The following AGPAT5 variants were observed in gnomAD, a reference collection of about 807,000 sequenced individuals.
The protein encoded by AGPAT5 is 1-acyl-sn-glycerol-3-phosphate acyltransferase epsilon.
Under a neutral mutation model 45.6 loss-of-function variants are expected in AGPAT5, and 46 were observed. The observed-to-expected ratio is 1.01, with a 90% CI of 0.80 to 1.29. The LOEUF is 1.29. AGPAT5 is among the 50% of genes most tolerant of loss of function. The probability of loss-of-function intolerance (pLI) is 0.00; values close to 1 mark genes in which losing one functional copy is unlikely to be tolerated. For synonymous variants in AGPAT5, 272 were observed against 167.0 expected (o/e 1.63, Z -4.85); for missense variants, 673 against 450.7 (o/e 1.49, Z -4.47).
chr8:6,759,739 A>T lies in AGPAT5; in HGVS notation c.*2351A>T, dbSNP rs1239583678. On this transcript the variant is annotated 3_prime_UTR_variant, in exon 8 of 8. Transcript: ENST00000285518. ...CCCAGTACATAAAATAGGCTTAATGACTGGCCCTGCATTCTTCACAATATT... is the reference window on the plus strand; with the variant it reads ...CCCAGTACATAAAATAGGCTTAATGTCTGGCCCTGCATTCTTCACAATATT... 6.6e-6 allele frequency: 1 copy of T among 152,238 alleles called. No homozygotes were observed. Among genetic ancestry groups the T allele is most frequent in the Non-Finnish European group, 1.5e-5 (1 of 68,040 alleles). 9.4% of individuals were successfully genotyped at this position (152,238 alleles called of 1,614,324 possible). A position where few individuals can be genotyped will look rare whatever the true frequency, so the allele number is the denominator to read the frequency against.
rs202102983 is a variant in AGPAT5 at position 6,760,474 on chromosome 8, C to CA, written c.*3092dup. Among the ~76,000 whole-genome samples, 1,762 of 151,960 alleles carry CA rather than the reference C, an allele frequency of 0.012. 30 individuals carry two copies. The highest frequency in any genetic ancestry group is 0.041 in the African/African-American group (1,681 of 41,486). On this transcript the variant is annotated 3_prime_UTR_variant, in exon 8 of 8. Coordinates refer to ENST00000285518, the MANE Select transcript of AGPAT5 (RefSeq NM_018361.5). ...CACAGTAACTCCCAGATATGTACCA[C>CA]AAAAAATGTGAAAAGAGAGAGAAAT...
chr8:6,740,043 A>G (rs559517091), intron 4 of AGPAT5, among the ~76,000 whole-genome samples: 1 of 152,078 alleles, frequency 6.6e-6, no homozygotes, highest in South Asian at 2.1e-4. Flanking sequence ...ATGTGTTGTT[A>G]TCCTTTGTGC....
rs1801946757 is a variant in AGPAT5 at position 6,759,138 on chromosome 8, T to A, written c.*1750T>A. 1.3e-5 allele frequency: 2 copies of A among 152,232 alleles called. No homozygotes were observed. Among genetic ancestry groups the A allele is most frequent in the Admixed American group, 1.3e-4 (2 of 15,280 alleles). 9.4% of individuals were successfully genotyped at this position (152,232 alleles called of 1,614,324 possible). A position where few individuals can be genotyped will look rare whatever the true frequency, so the allele number is the denominator to read the frequency against. ...TTATGAAAATTTCCTCATGCTGAATTGTAATTTTCTCTTACCTGTAAAGTA... is the reference window on the plus strand; with the variant it reads ...TTATGAAAATTTCCTCATGCTGAATAGTAATTTTCTCTTACCTGTAAAGTA... On this transcript the variant is annotated 3_prime_UTR_variant, in exon 8 of 8. Transcript: ENST00000285518.
Position 6,731,348 on chromosome 8 carries a change from C to T in AGPAT5, c.405+522C>T, listed in dbSNP as rs1800855955. ...GCATCTGTGGGGATTGGTTTTAGAA[C>T]CACCACAGATACCAAAATCTAAGGT... On this transcript the variant is annotated intron_variant, in intron 3 of 7. Coordinates refer to ENST00000285518, the MANE Select transcript of AGPAT5 (RefSeq NM_018361.5). Among the ~76,000 whole-genome samples, 5 of 152,128 alleles carry T rather than the reference C, an allele frequency of 3.3e-5. No individual in the cohort carries two copies. The South Asian group carries it at 1.0e-3, about 32-fold the overall frequency.
intron 6 of AGPAT5, 75 bp downstream of exon 6, chr8:6,747,903 A>G (rs1801530562): frequency 1.4e-6 from 2 of 1,460,984 alleles, no homozygotes; most frequent in Non-Finnish European, 1.8e-6. Flanking sequence ...ATTCAGTTTT[A>G]CAAAGTAGGT....
intron 5 of AGPAT5, among the ~76,000 whole-genome samples, chr8:6,745,527 A>T (rs756003858): frequency 2.0e-5 from 3 of 152,194 alleles, no homozygotes; most frequent in East Asian, 1.9e-4. Flanking sequence ...GACATTATTT[A>T]TACCTTTATA....
At chr8:6,732,538 T>C (rs1289110030) in intron 3 of AGPAT5, 23 bp from the exon 4 acceptor site, 1 of 1,572,650 alleles carries the variant, frequency 6.4e-7, no homozygotes. Context: ...TAAATGCTCT[T>C]TCTCCCGATT....
chr8:6,714,470 TTATAAA>T (rs1299190073), intron 1 of AGPAT5, among the ~76,000 whole-genome samples: 2 of 152,242 alleles, frequency 1.3e-5, no homozygotes, highest in Non-Finnish European at 2.9e-5. Flanking sequence ...TTTTTACACT[TTATAAA>T]TATAAACCTC....
intron 4 of AGPAT5, among the ~76,000 whole-genome samples, chr8:6,740,600 AC>A (rs1801216185): frequency 2.0e-5 from 3 of 151,838 alleles, no homozygotes; most frequent in African/African-American, 7.2e-5. Context: ...ATATGAATGA[AC>A]AAAAAGCTTG....
intron 6 of AGPAT5, among the ~76,000 whole-genome samples, chr8:6,750,794 C>T (rs62497313): frequency 0.014 from 2,072 of 150,818 alleles, 28 homozygotes; most frequent in Non-Finnish European, 0.02. Flanking sequence ...GGGTGAGATT[C>T]AAGTATTATC....
chr8:6,755,215 A>G (rs751787560), intron 7 of AGPAT5, 41 bp downstream of exon 7: 3 of 1,579,714 alleles, frequency 1.9e-6, no homozygotes, highest in East Asian at 4.5e-5. Flanking sequence ...ACTTCGGTTC[A>G]ACTAGATTTC....
chr8:6,739,786 A>T (rs1349146620), intron 4 of AGPAT5, among the ~76,000 whole-genome samples: 1 of 152,030 alleles, frequency 6.6e-6, no homozygotes, highest in Non-Finnish European at 1.5e-5. Context: ...CTCCTAGTAC[A>T]GCCTTGACTA....
chr8:6,713,266 A>G (rs184736733), intron 1 of AGPAT5, among the ~76,000 whole-genome samples: 149 of 152,260 alleles, frequency 9.8e-4, no homozygotes, highest in South Asian at 5.6e-3. Flanking sequence ...CACCATGCCT[A>G]GCCCCTAATA....
chr8:6,753,914 T>C (rs1239236678), intron 6 of AGPAT5, among the ~76,000 whole-genome samples: 1 of 152,186 alleles, frequency 6.6e-6, no homozygotes, highest in Non-Finnish European at 1.5e-5. Context: ...AGAAGAGCAG[T>C]TGCAGAGAGT....
At chr8:6,732,029 C>G (rs918219579) in intron 3 of AGPAT5, among the ~76,000 whole-genome samples, 9 of 152,148 alleles carry the variant, frequency 5.9e-5, no homozygotes, top group Non-Finnish European at 1.0e-4. Context: ...CCTTAATTAC[C>G]ACCTCTAAGT....
intron 7 of AGPAT5, among the ~76,000 whole-genome samples, chr8:6,756,726 T>A (rs1801850906): frequency 6.6e-6 from 1 of 152,042 alleles, no homozygotes; most frequent in Admixed American, 6.5e-5. Flanking sequence ...CTGCCGGGTA[T>A]CCTGGGACCA....
chr8:6,718,102 A>G (rs1455709005), intron 1 of AGPAT5, among the ~76,000 whole-genome samples: 1 of 152,248 alleles, frequency 6.6e-6, no homozygotes, highest in Non-Finnish European at 1.5e-5. Context: ...TGCCTAGCTC[A>G]GTGAATGGTA....
At chr8:6,733,352 T>A (rs1800936269) in intron 4 of AGPAT5, among the ~76,000 whole-genome samples, 1 of 152,180 alleles carries the variant, frequency 6.6e-6, no homozygotes, top group Admixed American at 6.5e-5. Flanking sequence ...CCTCTCCTCC[T>A]GCCCTCCCCT....
At chr8:6,751,579 A>G (rs945705801) in intron 6 of AGPAT5, among the ~76,000 whole-genome samples, 3 of 152,190 alleles carry the variant, frequency 2.0e-5, no homozygotes, top group African/African-American at 4.8e-5. Context: ...TTCCCGTTTT[A>G]TGGTGTAAGT....
Sources: gnomAD v4.1 joint callset for allele counts (sites outside exome capture counted in the v4.1 genomes callset) on GRCh38, gnomAD v4.1.1 for gene constraint, MANE v1.5 for transcripts, NCBI Gene and HGNC (gene_info 2026-07-23, HGNC 2026-07-21) for gene names.